The following CELF2 variants were observed in gnomAD, a reference collection of about 807,000 sequenced individuals.
CELF2 encodes the protein CUG triplet repeat RNA-binding protein 2.
A neutral mutation model predicts 62.6 loss-of-function variants in CELF2; 8 were observed. The ratio of observed to expected loss-of-function variants is 0.13; its 90% CI spans 0.07 to 0.23. The LOEUF (loss-of-function observed/expected upper bound fraction) is 0.23. Ranked by LOEUF, CELF2 falls within the 10% of genes least tolerant of loss-of-function variation. The pLI is 1.00. For synonymous variants in CELF2, 258 were observed against 250.0 expected, an observed-to-expected ratio of 1.03 and a Z score of -0.30; for missense variants, 333 against 671.0, an observed-to-expected ratio of 0.50 and a Z score of 5.56.
At chr10:10,764,466 A>G in the CELF2 span, among the ~76,000 whole-genome samples, 1 of 152,192 alleles carries the variant, frequency 6.6e-6, no homozygotes, top group East Asian at 1.9e-4. Flanking sequence ...GCTCATGCAG[A>G]CCTAATCAGA....
intron 2 of CELF2, among the ~76,000 whole-genome samples, chr10:11,192,176 T>C (rs1253220378): frequency 1.3e-5 from 2 of 152,150 alleles, no homozygotes; most frequent in African/African-American, 4.8e-5. Context: ...CGTTCAGTCA[T>C]GGTTGAGATG....
intron 1 of CELF2, among the ~76,000 whole-genome samples, chr10:10,806,982 G>C (rs1233363159): frequency 6.6e-6 from 1 of 152,160 alleles, no homozygotes; most frequent in Non-Finnish European, 1.5e-5. Flanking sequence ...TTTGATCAAA[G>C]ATAAACTAAT....
chr10:11,149,805 CATA>C (rs1268887520), intron 1 of CELF2, among the ~76,000 whole-genome samples: 1 of 152,166 alleles, frequency 6.6e-6, no homozygotes, highest in Non-Finnish European at 1.5e-5. Flanking sequence ...ATTATAAGCC[CATA>C]ATTAGGAAGT....
the CELF2 span, among the ~76,000 whole-genome samples, chr10:10,711,322 A>G: frequency 1.9e-4 from 29 of 152,348 alleles, no homozygotes; most frequent in Non-Finnish European, 3.2e-4. Flanking sequence ...GAGCTATGAC[A>G]TTATAGAATT....
At chr10:10,922,100 G>C (rs962038330) in intron 2 of CELF2, among the ~76,000 whole-genome samples, 1 of 141,298 alleles carries the variant, frequency 7.1e-6, no homozygotes, top group African/African-American at 2.7e-5. Flanking sequence ...TTGCTTATAG[G>C]ATCAAGATTA....
chr10:10,512,411 T>TC, the CELF2 span, among the ~76,000 whole-genome samples: 1,328 of 147,432 alleles, frequency 9.0e-3, 19 homozygotes, highest in African/African-American at 0.032. Flanking sequence ...CTTTTTTTTT[T>TC]TTTTTTTTTT....
the CELF2 span, among the ~76,000 whole-genome samples, chr10:10,783,487 G>A: frequency 2.3e-4 from 35 of 152,256 alleles, no homozygotes; most frequent in African/African-American, 8.4e-4. Context: ...TGCCAGTACC[G>A]ACACCATGAT....
Position 10,945,311 on chromosome 10 carries a change from G to A in CELF2, c.89+25312G>A, listed in dbSNP as rs1447806713. 2.0e-5 allele frequency among the ~76,000 whole-genome samples: 3 copies of A among 152,172 alleles called. No individual in the cohort carries two copies. In the South Asian group the frequency reaches 6.2e-4, roughly 31 times the overall value. On this transcript the variant is annotated intron_variant, in intron 2 of 13. Coordinates refer to the CELF2 transcript ENST00000636488. ...GGCCTTGGCTGATGAGCAGGTCTTA[G>A]GTATCATGGGAGGGAGGAAAGCAGG...
chr10:11,154,294 TGA>T (rs1292972090), intron 1 of CELF2, among the ~76,000 whole-genome samples: 1 of 152,222 alleles, frequency 6.6e-6, no homozygotes, highest in Non-Finnish European at 1.5e-5. Flanking sequence ...TATGACTTGC[TGA>T]GAGAGAGAAG....
chr10:10,694,418 A>T, the CELF2 span, among the ~76,000 whole-genome samples: 1 of 151,026 alleles, frequency 6.6e-6, no homozygotes, highest in East Asian at 1.9e-4. Context: ...TGCTGAGGAG[A>T]GCTTTACTTC....
At chr10:10,843,856 G>A (rs903466117) in intron 1 of CELF2, among the ~76,000 whole-genome samples, 27 of 151,946 alleles carry the variant, frequency 1.8e-4, no homozygotes, top group African/African-American at 6.3e-4. Context: ...TATGAAAGTG[G>A]GTATCCTTGA....
chr10:10,492,081 T>C, the CELF2 span, among the ~76,000 whole-genome samples: 6 of 152,194 alleles, frequency 3.9e-5, no homozygotes, highest in African/African-American at 1.4e-4. Flanking sequence ...ATTCTATTTT[T>C]AATTTTCTTT....
the CELF2 span, among the ~76,000 whole-genome samples, chr10:10,566,430 T>A: frequency 2.0e-5 from 3 of 148,164 alleles, no homozygotes; most frequent in Non-Finnish European, 4.5e-5. Context: ...TTTTTTTTTT[T>A]ATTATACTCT....
the CELF2 span, among the ~76,000 whole-genome samples, chr10:10,753,299 C>CTGTGTGTGTGTGTGTG: frequency 2.5e-4 from 38 of 149,908 alleles, no homozygotes; most frequent in African/African-American, 8.4e-4. Flanking sequence ...TTCCAAAGCT[C>CTGTGTGTGTGTGTGTG]TGTGTGTGTG....
At position 11,165,182 on chromosome 10, in the gene CELF2, C is replaced by T. The variant is rs979021163; in HGVS notation, c.75-304C>T. The T allele has an allele frequency of 3.3e-6, 4 of 1,221,112 alleles. No individual in the cohort carries two copies. The African/African-American group carries it at 6.5e-5, about 20-fold the overall frequency. 75.6% of individuals were successfully genotyped at this position (1,221,112 alleles called of 1,614,324 possible). A position where few individuals can be genotyped will look rare whatever the true frequency, so the allele number is the denominator to read the frequency against. On this transcript the variant is annotated intron_variant, in intron 1 of 12. Coordinates refer to ENST00000633077, the MANE Select transcript of CELF2 (RefSeq NM_001326342.2). This position sits in a 1 kb window ranked among gnomAD's most constrained non-coding sequence, Gnocchi z 7.4. ...CTTGCAGAGCTAGACCTGCACTTAACTTGCAGCTGCCTCCCGAGCCTCCAA... is the reference window on the plus strand; with the variant it reads ...CTTGCAGAGCTAGACCTGCACTTAATTTGCAGCTGCCTCCCGAGCCTCCAA...
the CELF2 span, among the ~76,000 whole-genome samples, chr10:10,568,369 T>C: frequency 6.6e-6 from 1 of 152,160 alleles, no homozygotes; most frequent in Non-Finnish European, 1.5e-5. Context: ...AATTACTGCC[T>C]ACAATTGGAG....
At chr10:11,312,921 G>A (rs778080220) in intron 9 of CELF2, among the ~76,000 whole-genome samples, 22 of 152,308 alleles carry the variant, frequency 1.4e-4, no homozygotes, top group African/African-American at 2.2e-4. Context: ...GCGACAGAGC[G>A]AGCCTCTGTC....
At chr10:11,093,046 G>C (rs1172756369) in intron 1 of CELF2, among the ~76,000 whole-genome samples, 2 of 152,202 alleles carry the variant, frequency 1.3e-5, no homozygotes, top group African/African-American at 2.4e-5. Context: ...TGTACGTCTT[G>C]ATTGGCATCA....
intron 2 of CELF2, among the ~76,000 whole-genome samples, chr10:10,960,806 G>A (rs187542271): frequency 5.3e-5 from 8 of 152,302 alleles, no homozygotes; most frequent in East Asian, 1.9e-4. Context: ...ATAGGTATGC[G>A]TTAGAATCTG....
Sources: allele counts gnomAD v4.1 joint callset (sites outside exome capture counted in the v4.1 genomes callset), GRCh38; gene constraint gnomAD v4.1.1; non-coding constraint Gnocchi (gnomAD v3.1); transcripts MANE v1.5; gene names NCBI Gene and HGNC (gene_info 2026-07-23, HGNC 2026-07-21).